Variants in AHDC1 observed in about 807,000 individuals in gnomAD.
AHDC1 encodes transcription factor Gibbin.
AHDC1 carries 7 observed loss-of-function variants against 87.9 expected under a neutral mutation model. The ratio of observed to expected loss-of-function variants is 0.08; its 90% CI spans 0.05 to 0.15. The LOEUF is 0.15. Ranked by LOEUF, AHDC1 falls within the 10% of genes least tolerant of loss-of-function variation. AHDC1 has a pLI of 1.00. For synonymous variants in AHDC1, 1,051 were observed against 1,006.8 expected, an observed-to-expected ratio of 1.04 and a Z score of -0.83; for missense variants, 1,841 against 2,253.2, an observed-to-expected ratio of 0.82 and a Z score of 3.70.
chr1:27,575,198 C>G (rs1282978555), intron 3 of AHDC1, among the ~76,000 whole-genome samples: 1 of 152,216 alleles, frequency 6.6e-6, no homozygotes, highest in Non-Finnish European at 1.5e-5. Context: ...GCCTCTGGGG[C>G]TACCTGGCAG....
At chr1:27,583,181 T>C (rs1435896762) in intron 3 of AHDC1, among the ~76,000 whole-genome samples, 1 of 152,208 alleles carries the variant, frequency 6.6e-6, no homozygotes, top group East Asian at 1.9e-4. Flanking sequence ...TATTTCTATT[T>C]CTACATTAGC....
At chr1:27,589,987 G>A (rs2089178604) in intron 3 of AHDC1, among the ~76,000 whole-genome samples, 1 of 152,102 alleles carries the variant, frequency 6.6e-6, no homozygotes, top group Non-Finnish European at 1.5e-5. Context: ...TGTGGGCTGG[G>A]CAGGGCTCCA....
intron 8 of AHDC1, among the ~76,000 whole-genome samples, chr1:27,535,137 C>A (rs1327661620): frequency 6.6e-6 from 1 of 152,158 alleles, no homozygotes; most frequent in Admixed American, 6.5e-5. Context: ...CCCCAAAACA[C>A]AGGGTGAAGC....
intron 3 of AHDC1, among the ~76,000 whole-genome samples, chr1:27,585,273 A>G (rs1240427779): frequency 1.3e-5 from 2 of 151,432 alleles, no homozygotes; most frequent in Admixed American, 6.6e-5. Flanking sequence ...AAAAAAAAAA[A>G]AAGAAGGAAC....
At position 27,557,868 on chromosome 1, in the gene AHDC1, T is replaced by C. The variant is rs1343851389; in HGVS notation, c.-225+437A>G. 2.0e-5 allele frequency among the ~76,000 whole-genome samples: 3 copies of C among 152,260 alleles called. No homozygotes were observed. The East Asian group carries it at 5.8e-4, about 29-fold the overall frequency. ...GCCCAGTCCACTTACACAACTCTTG[T>C]ATATTACCCCATGTGCACGGAAGGA... On this transcript the variant is annotated intron_variant, in intron 5 of 8. Transcript: ENST00000673934.
Position 27,550,664 on chromosome 1 carries a change from C to G in AHDC1, c.1452G>C (p.Ser484=). ...MVVKMAKIPV[S]LGRRNKTTYK... is the part of the protein sequence containing the mutation. ...ATGTGGTCTTGTTCCGCCGCCCCAGCGATACGGGGATCTTGGCCATCTTCA... is the reference window on the plus strand; with the variant it reads ...ATGTGGTCTTGTTCCGCCGCCCCAGGGATACGGGGATCTTGGCCATCTTCA... Residue 484 remains serine, a synonymous_variant, in exon 8 of 9, where the codon TCG becomes TCC. Coordinates refer to ENST00000673934, the MANE Select transcript of AHDC1 (RefSeq NM_001371928.1). 6.2e-7 allele frequency: 1 copy of G among 1,613,272 alleles called. No individual in the cohort carries two copies. Among genetic ancestry groups the G allele is most frequent in the Non-Finnish European group, 8.5e-7 (1 of 1,179,912 alleles).
rs747805823 is a variant in AHDC1, at chr1:27,550,409, G to A, written c.1707C>T (p.Ala569=). ...GKPKEPAVVA[A]EAATVAAATM... ...TGGCCGCTGCCACAGTGGCTGCCTC[G>A]GCCGCCACCACAGCTGGCTCCTTGG... Residue 569 remains alanine, a synonymous_variant, in exon 8 of 9, where the codon GCC becomes GCT. Transcript: ENST00000673934. 27 of 1,611,408 alleles carry A rather than the reference G, an allele frequency of 1.7e-5. No individual in the cohort carries two copies. The highest frequency in any genetic ancestry group is 2.1e-5 in the Non-Finnish European group (25 of 1,178,336).
intron 3 of AHDC1, among the ~76,000 whole-genome samples, chr1:27,602,931 CA>C: frequency 6.6e-6 from 1 of 151,806 alleles, no homozygotes; most frequent in South Asian, 2.1e-4. Context: ...CCCCTTTTCC[CA>C]GCGCCGATCC....
intron 3 of AHDC1, among the ~76,000 whole-genome samples, chr1:27,587,880 A>T (rs1163746201): frequency 2.6e-5 from 4 of 152,092 alleles, no homozygotes; most frequent in Non-Finnish European, 5.9e-5. Context: ...CTGGAACCCC[A>T]CTGATCCTTA....
intron 3 of AHDC1, among the ~76,000 whole-genome samples, chr1:27,564,467 A>G (rs2020234812): frequency 6.6e-6 from 1 of 152,236 alleles, no homozygotes; most frequent in Non-Finnish European, 1.5e-5. Context: ...TGCCAGCCTC[A>G]TGAGACAAGG....
At chr1:27,552,438 G>A (rs1317308788) in intron 7 of AHDC1, 8 of 280,546 alleles carry the variant, frequency 2.9e-5, no homozygotes, top group Non-Finnish European at 4.5e-5. Flanking sequence ...TCACTCTGTC[G>A]CCCAGGCTAG....
Position 27,551,806 on chromosome 1 carries a change from C to T in AHDC1, c.310G>A (p.Gly104Ser), listed in dbSNP as rs779580540. The T allele has an allele frequency of 1.9e-6, 3 of 1,612,524 alleles. No homozygotes were observed. Among genetic ancestry groups the T allele is most frequent in the East Asian group, 2.2e-5 (1 of 44,838 alleles). Residue 104 changes from glycine to serine, a missense_variant, in exon 8 of 9, where the codon GGC (glycine) becomes AGC (serine). Physicochemically the swap from Gly to Ser is moderately conservative, Grantham distance 56. Transcript: ENST00000673934. ...QARCPTPVGD[G>S]SSSRRCWDNG... Reference sequence around the variant, plus strand: ...TCCCAGCAGCGTCGGGAGCTGCTGCCGTCTCCGACCGGTGTGGGGCAGCGG... The same window carrying T: ...TCCCAGCAGCGTCGGGAGCTGCTGCTGTCTCCGACCGGTGTGGGGCAGCGG...
intron 3 of AHDC1, among the ~76,000 whole-genome samples, chr1:27,588,963 TG>T (rs899541098): frequency 6.6e-6 from 1 of 151,710 alleles, no homozygotes; most frequent in African/African-American, 2.4e-5. Flanking sequence ...AAACTATGTA[TG>T]GGGGGGCTGT....
chr1:27,592,579 C>A (rs529331397), intron 3 of AHDC1, among the ~76,000 whole-genome samples: 11 of 151,976 alleles, frequency 7.2e-5, no homozygotes, highest in South Asian at 2.1e-4. Context: ...CGCCCTCCCC[C>A]CCCCAGGCCC....
intron 3 of AHDC1, among the ~76,000 whole-genome samples, chr1:27,592,855 C>A (rs1230976197): frequency 6.6e-6 from 1 of 152,010 alleles, no homozygotes; most frequent in Non-Finnish European, 1.5e-5. Flanking sequence ...GGTTCTTCCG[C>A]ACTCCTCTAC....
Position 27,548,146 on chromosome 1 carries a change from A to G in AHDC1, c.3970T>C (p.Ser1324Pro). The stretch of plus-strand genomic sequence containing the variant: ...GCCCTCGACTGTGAGGGCAGTGGTG[A>G]CATGCTGCTGTCCCCGCTATAGTAG... ...LDYYSGDSSM[S>P]PLPSQSRAFG... The change falls in exon 8 of 9, where the codon TCA becomes CCA. Residue 1324 changes from serine to proline, a missense_variant. Physicochemically the swap from Ser to Pro is moderately conservative, Grantham distance 74 (BLOSUM62 -1). This residue lies in a region of AHDC1 where 505 missense variants were observed against 626.2 expected (regional missense o/e 0.81). Coordinates refer to ENST00000673934, the MANE Select transcript of AHDC1 (RefSeq NM_001371928.1). The G allele has an allele frequency of 6.2e-7, 1 of 1,613,838 alleles. No individual in the cohort carries two copies. Among genetic ancestry groups the G allele is most frequent in the East Asian group, 2.2e-5 (1 of 44,884 alleles).
chr1:27,582,027 T>A (rs2088922999), intron 3 of AHDC1, among the ~76,000 whole-genome samples: 1 of 152,160 alleles, frequency 6.6e-6, no homozygotes, highest in African/African-American at 2.4e-5. Flanking sequence ...CCAGCCAACC[T>A]CTGAACTCAC....
At position 27,548,247 on chromosome 1, in the gene AHDC1, G is replaced by A. The variant is rs146875431; in HGVS notation, c.3869C>T (p.Ala1290Val). ...CTTGGGGATGAACTTGGCTTTGGCC[G>A]CTGCGCCACCCCGCTCCTTCTTGGC... ...CSAKKERGGA[A>V]AKAKFIPKPQ... Residue 1290 changes from alanine to valine, a missense_variant, in exon 8 of 9, where the codon GCG becomes GTG. By Grantham distance (64) the Ala-to-Val change is moderately conservative. Around this residue, in one of 13 missense-constraint regions of AHDC1, gnomAD observed 505 missense variants for 626.2 expected, o/e 0.81. Coordinates refer to ENST00000673934, the MANE Select transcript of AHDC1 (RefSeq NM_001371928.1). The A allele has an allele frequency of 6.8e-6, 11 of 1,612,044 alleles. No homozygotes were observed. The highest frequency in any genetic ancestry group is 9.3e-6 in the Non-Finnish European group (11 of 1,179,402).
chr1:27,596,716 C>A (rs1214164007), intron 3 of AHDC1, among the ~76,000 whole-genome samples: 1 of 152,058 alleles, frequency 6.6e-6, no homozygotes, highest in Non-Finnish European at 1.5e-5. Context: ...TTGCCCCATG[C>A]CCTTAAACCT....
Sources: allele counts gnomAD v4.1 joint callset (sites outside exome capture counted in the v4.1 genomes callset), GRCh38; gene constraint gnomAD v4.1.1; regional missense constraint gnomAD v4.1.1; transcripts MANE v1.5; gene names NCBI Gene and HGNC (gene_info 2026-07-23, HGNC 2026-07-21).